Variants in CHN2 observed in about 807,000 individuals in gnomAD.
CHN2 encodes the protein chimerin 2.
In CHN2, 35 loss-of-function variants were observed where a neutral mutation model predicts 56.3. That is an observed-to-expected ratio of 0.62 (90% CI 0.47 to 0.82). The LOEUF (loss-of-function observed/expected upper bound fraction) is 0.82. Ranked by LOEUF, CHN2 falls within the 40% of genes least tolerant of loss-of-function variation. CHN2 has a pLI of 0.00. For synonymous variants in CHN2, 210 were observed against 212.8 expected (o/e 0.99, Z 0.12); for missense variants, 491 against 580.5 (o/e 0.85, Z 1.58).
chr7:29,289,885 C>G (rs1413501164), intron 1 of CHN2, among the ~76,000 whole-genome samples: 1 of 152,186 alleles, frequency 6.6e-6, no homozygotes, highest in African/African-American at 2.4e-5. Context: ...GTTATCAGGA[C>G]AAGCCTATCA....
chr7:29,471,692 A>G (rs1362291613), intron 6 of CHN2, among the ~76,000 whole-genome samples: 1 of 152,116 alleles, frequency 6.6e-6, no homozygotes, highest in African/African-American at 2.4e-5. Context: ...GCAGCTGGGC[A>G]TGGTGTGTCA....
chr7:29,507,131 G>C, intron 10 of CHN2, 97 bp from the exon 11 acceptor site: 1 of 1,114,258 alleles, frequency 9.0e-7, no homozygotes, highest in South Asian at 1.6e-5. Flanking sequence ...ACTTGTCAGG[G>C]AGCATTCATC....
chr7:29,354,786 T>A, intron 2 of CHN2, 123 bp downstream of exon 2: 1 of 804,014 alleles, frequency 1.2e-6, no homozygotes, highest in Non-Finnish European at 2.1e-6. Context: ...ACCCAAATCT[T>A]TCTTTCCACT....
intron 1 of CHN2, among the ~76,000 whole-genome samples, chr7:29,254,483 CTAAGGTA>C (rs1788910152): frequency 6.6e-6 from 1 of 152,110 alleles, no homozygotes; most frequent in Non-Finnish European, 1.5e-5. Flanking sequence ...ATTAAAAAAC[CTAAGGTA>C]TAAGGTAAGA....
At chr7:29,253,693 T>C (rs1788826390) in intron 1 of CHN2, among the ~76,000 whole-genome samples, 1 of 152,178 alleles carries the variant, frequency 6.6e-6, no homozygotes. Flanking sequence ...GGAGGCAGCT[T>C]TTAGAGTCAA....
intron 1 of CHN2, among the ~76,000 whole-genome samples, chr7:29,297,984 A>G (rs1356038477): frequency 2.0e-5 from 3 of 152,186 alleles, no homozygotes; most frequent in African/African-American, 4.8e-5. Flanking sequence ...CTTTGCTATC[A>G]AATACCTGGG....
intron 1 of CHN2, among the ~76,000 whole-genome samples, chr7:29,333,300 C>T (rs62459609): frequency 2.0e-5 from 3 of 152,142 alleles, no homozygotes; most frequent in Non-Finnish European, 4.4e-5. Context: ...TACCCTGACC[C>T]GCCCTTTTCT....
At chr7:29,351,164 A>G (rs954020323) in intron 1 of CHN2, among the ~76,000 whole-genome samples, 6 of 151,120 alleles carry the variant, frequency 4.0e-5, no homozygotes, top group African/African-American at 1.5e-4. Flanking sequence ...AGATTATGAG[A>G]TAGGTACTTT....
chr7:29,405,886 A>G (rs1479926170), intron 6 of CHN2, among the ~76,000 whole-genome samples: 1 of 152,014 alleles, frequency 6.6e-6, no homozygotes, highest in African/African-American at 2.4e-5. Context: ...CTGTCCCGGT[A>G]TCTTTGCCTA....
chr7:29,399,840 A>G (rs1343821893), intron 5 of CHN2, among the ~76,000 whole-genome samples: 1 of 152,202 alleles, frequency 6.6e-6, no homozygotes, highest in Non-Finnish European at 1.5e-5. Flanking sequence ...ATAATTTCCT[A>G]TCTTCCCAGC....
chr7:29,500,186 C>G (rs1789812483), intron 9 of CHN2, 146 bp downstream of exon 9: 1 of 512,366 alleles, frequency 2.0e-6, no homozygotes, highest in Non-Finnish European at 3.3e-6. Context: ...CTCTCTCTCT[C>G]TCACAGGTAG....
At chr7:29,495,577 A>G (rs561364435) in intron 7 of CHN2, among the ~76,000 whole-genome samples, 16 of 152,316 alleles carry the variant, frequency 1.1e-4, no homozygotes, top group African/African-American at 3.6e-4. Flanking sequence ...TCAAAAGGAC[A>G]CAGTAATTGA....
At chr7:29,258,492 TCCACGG>T (rs1222298838) in intron 1 of CHN2, among the ~76,000 whole-genome samples, 5 of 152,218 alleles carry the variant, frequency 3.3e-5, no homozygotes, top group African/African-American at 9.6e-5. Context: ...TTCTGTTTTC[TCCACGG>T]CCTGTTAATT....
At chr7:29,441,061 T>C (rs1361334014) in intron 6 of CHN2, among the ~76,000 whole-genome samples, 1 of 152,228 alleles carries the variant, frequency 6.6e-6, no homozygotes, top group East Asian at 1.9e-4. Context: ...AATGAGAACA[T>C]TTGAGATTTA....
intron 1 of CHN2, among the ~76,000 whole-genome samples, chr7:29,268,533 C>T (rs556615827): frequency 6.9e-6 from 1 of 144,172 alleles, no homozygotes; most frequent in East Asian, 1.9e-4. Flanking sequence ...GAAGGCTTTT[C>T]CAGATGTGGA....
intron 3 of CHN2, among the ~76,000 whole-genome samples, chr7:29,388,870 A>G (rs903153610): frequency 6.6e-6 from 1 of 152,232 alleles, no homozygotes; most frequent in Non-Finnish European, 1.5e-5. Flanking sequence ...TAGTAGGGAC[A>G]GGACTGAGCC....
chr7:29,449,468 T>C (rs561199772), intron 6 of CHN2, among the ~76,000 whole-genome samples: 80 of 152,348 alleles, frequency 5.3e-4, no homozygotes, highest in African/African-American at 1.8e-3. Flanking sequence ...GCCACATCCA[T>C]TCATTGAAAT....
At chr7:29,200,014 A>G (rs141439205) in intron 1 of CHN2, 1 of 152,276 alleles carries the variant, frequency 6.6e-6, no homozygotes, top group Non-Finnish European at 1.5e-5. Flanking sequence ...AGGGTCTCCC[A>G]TTTTTGCACA....
At chr7:29,375,764 C>A (rs1431515722) in intron 3 of CHN2, among the ~76,000 whole-genome samples, 1 of 152,080 alleles carries the variant, frequency 6.6e-6, no homozygotes, top group Admixed American at 6.6e-5. Context: ...GTAACACCAA[C>A]CTTACTCATC....
Sources: allele counts gnomAD v4.1 joint callset (sites outside exome capture counted in the v4.1 genomes callset), GRCh38; gene constraint gnomAD v4.1.1; transcripts MANE v1.5; gene names NCBI Gene and HGNC (gene_info 2026-07-23, HGNC 2026-07-21).